The following SLC23A2 variants were observed in gnomAD, a reference collection of about 807,000 sequenced individuals.
The protein encoded by SLC23A2 is Na(+)/L-ascorbic acid transporter 2.
In SLC23A2, 36 loss-of-function variants were observed where a neutral mutation model predicts 73.3. The ratio of observed to expected loss-of-function variants is 0.49; its 90% CI spans 0.38 to 0.65. The LOEUF is 0.65. SLC23A2 is among the 30% of genes least tolerant of loss of function. The pLI is 0.00. For missense variants in SLC23A2, 507 were observed against 841.6 expected (o/e 0.60, Z 4.92); for synonymous variants, 343 against 327.3 (o/e 1.05, Z -0.52).
At chr20:4,958,261 G>A (rs544241143) in intron 2 of SLC23A2, among the ~76,000 whole-genome samples, 4 of 152,294 alleles carry the variant, frequency 2.6e-5, no homozygotes, top group African/African-American at 9.6e-5. Flanking sequence ...AGCCGAAAAT[G>A]CCTCTGTAAA....
At chr20:4,949,062 G>T (rs2087158745) in intron 2 of SLC23A2, among the ~76,000 whole-genome samples, 1 of 152,068 alleles carries the variant, frequency 6.6e-6, no homozygotes, top group South Asian at 2.1e-4. Flanking sequence ...AAGACGGATG[G>T]ATTACCTGAG....
intron 2 of SLC23A2, among the ~76,000 whole-genome samples, chr20:4,966,417 C>T (rs1015975439): frequency 8.5e-5 from 13 of 152,090 alleles, no homozygotes; most frequent in Admixed American, 3.3e-4. Context: ...CTATCCAATG[C>T]GGGAGCCACC....
rs1224905189 is a variant in SLC23A2, at chr20:4,885,698, GT to G, written c.571+122del. 14 of 717,946 alleles carry G rather than the reference GT, an allele frequency of 2.0e-5. No individual in the cohort carries two copies. The Admixed American group carries it at 2.7e-4, about 14-fold the overall frequency. The allele number at this position is 717,946 out of a possible 1,614,324, so 44.5% of individuals were successfully genotyped here. ...ATGGAGCATTCTAAGCTGTTTGTGGGTTTGTGTGCTTTGTCCCTAATTCTTG... is the reference window on the plus strand; with the variant it reads ...ATGGAGCATTCTAAGCTGTTTGTGGGTTGTGTGCTTTGTCCCTAATTCTTG... On this transcript the variant is annotated intron_variant, in intron 7 of 16. Transcript: ENST00000338244.
chr20:4,912,774 C>T (rs888073934), intron 4 of SLC23A2, 106 bp downstream of exon 4: 11 of 753,298 alleles, frequency 1.5e-5, no homozygotes, highest in Middle Eastern at 3.8e-4. Flanking sequence ...AAGCCCCAGA[C>T]GAAGGACATG....
chr20:4,941,740 C>T (rs1488436960), intron 2 of SLC23A2, among the ~76,000 whole-genome samples: 2 of 149,990 alleles, frequency 1.3e-5, no homozygotes, highest in African/African-American at 4.9e-5. Context: ...AGGTAGATCT[C>T]GTGTTAAATG....
At position 5,008,130 on chromosome 20, in the gene SLC23A2, G is replaced by A. The variant is rs180983862; in HGVS notation, c.-282+2052C>T. On this transcript the variant is annotated intron_variant, in intron 1 of 16. Coordinates refer to the SLC23A2 transcript ENST00000379333. Reference sequence around the variant, plus strand: ...TCACCATGTGGGTCAGGCTGCTCTCGAACTCCTGACCTCAGGTGATCCACC... The same window carrying A: ...TCACCATGTGGGTCAGGCTGCTCTCAAACTCCTGACCTCAGGTGATCCACC... 8.5e-5 allele frequency among the ~76,000 whole-genome samples: 13 copies of A among 152,124 alleles called. No individual in the cohort carries two copies. In the East Asian group the frequency reaches 2.1e-3, roughly 25 times the overall value.
intron 4 of SLC23A2, among the ~76,000 whole-genome samples, chr20:4,908,108 T>C (rs1932021031): frequency 6.6e-6 from 1 of 152,152 alleles, no homozygotes; most frequent in African/African-American, 2.4e-5. Flanking sequence ...AAACAAAACA[T>C]GCATAATTGC....
intron 15 of SLC23A2, among the ~76,000 whole-genome samples, chr20:4,860,779 G>A (rs892343396): frequency 3.3e-5 from 5 of 152,158 alleles, no homozygotes; most frequent in Non-Finnish European, 5.9e-5. Flanking sequence ...AGTGGCTCAC[G>A]CCTGTAATCC....
intron 9 of SLC23A2, among the ~76,000 whole-genome samples, chr20:4,879,154 C>T (rs899513504): frequency 1.3e-5 from 2 of 152,144 alleles, no homozygotes; most frequent in African/African-American, 2.4e-5. Context: ...CGCCTGTAAT[C>T]CCAGCACTTT....
intron 2 of SLC23A2, among the ~76,000 whole-genome samples, chr20:4,957,102 C>T (rs936531083): frequency 2.0e-5 from 3 of 152,034 alleles, no homozygotes; most frequent in Non-Finnish European, 4.4e-5. Flanking sequence ...TTACTGCGCC[C>T]GGCCTCCTTC....
At chr20:4,937,489 A>G (rs1484311095) in intron 2 of SLC23A2, among the ~76,000 whole-genome samples, 1 of 152,202 alleles carries the variant, frequency 6.6e-6, no homozygotes, top group African/African-American at 2.4e-5. Flanking sequence ...TCCAGTTGCT[A>G]AGTGTCGGTG....
At chr20:4,912,010 C>CTTT (rs11353402) in intron 4 of SLC23A2, among the ~76,000 whole-genome samples, 1 of 136,546 alleles carries the variant, frequency 7.3e-6, no homozygotes. Context: ...ATAATTATTT[C>CTTT]TTTTTTTTTT....
At chr20:4,880,435 G>A (rs954019992) in intron 9 of SLC23A2, among the ~76,000 whole-genome samples, 1 of 152,104 alleles carries the variant, frequency 6.6e-6, no homozygotes, top group African/African-American at 2.4e-5. Flanking sequence ...GGTGCTGGGG[G>A]TGCAGAGGTG....
chr20:4,905,710 C>T (rs998857396), intron 4 of SLC23A2, among the ~76,000 whole-genome samples: 3 of 152,154 alleles, frequency 2.0e-5, no homozygotes, highest in African/African-American at 7.2e-5. Flanking sequence ...GTCTCTTTCT[C>T]TAGGAAATCA....
At chr20:4,922,302 G>A (rs1160301811) in intron 3 of SLC23A2, among the ~76,000 whole-genome samples, 2 of 152,144 alleles carry the variant, frequency 1.3e-5, no homozygotes, top group Non-Finnish European at 2.9e-5. Flanking sequence ...TGTGGGGCAG[G>A]GAGATCACAC....
chr20:4,857,754 A>T lies in SLC23A2; in HGVS notation c.1721-550T>A, dbSNP rs1348544686. Among the ~76,000 whole-genome samples the T allele has an allele frequency of 6.6e-6, 1 of 152,096 alleles. No individual in the cohort carries two copies. The highest frequency in any genetic ancestry group is 1.5e-5 in the Non-Finnish European group (1 of 68,010). ...GAGACCAGCCTAGCCAACATGGTGA[A>T]ATCCCGTCCCCACTCAAAATACAAA... On this transcript the variant is annotated intron_variant, in intron 16 of 16. Transcript: ENST00000338244. The surrounding 1 kb of genome is among the most constrained non-coding windows in gnomAD (Gnocchi z 4.0).
intron 2 of SLC23A2, among the ~76,000 whole-genome samples, chr20:4,946,712 C>T (rs989965301): frequency 4.6e-5 from 7 of 152,036 alleles, no homozygotes; most frequent in African/African-American, 1.2e-4. Context: ...TTGCTGCCAT[C>T]GAATTATGCA....
At chr20:4,867,326 G>A (rs1930243107) in intron 13 of SLC23A2, among the ~76,000 whole-genome samples, 1 of 152,112 alleles carries the variant, frequency 6.6e-6, no homozygotes, top group Admixed American at 6.6e-5. Flanking sequence ...CCACCCTTCA[G>A]GTCTGTGTTC....
chr20:4,964,966 G>A (rs2087452159), intron 2 of SLC23A2, among the ~76,000 whole-genome samples: 1 of 151,682 alleles, frequency 6.6e-6, no homozygotes, highest in African/African-American at 2.4e-5. Flanking sequence ...CAGATGATGG[G>A]ATTATATGTG....
Sources: allele counts gnomAD v4.1 joint callset (sites outside exome capture counted in the v4.1 genomes callset), GRCh38; gene constraint gnomAD v4.1.1; non-coding constraint Gnocchi (gnomAD v3.1); transcripts MANE v1.5; gene names NCBI Gene and HGNC (gene_info 2026-07-23, HGNC 2026-07-21).